MAF: variants seen among roughly 807,000 people sequenced by gnomAD.
The protein encoded by MAF is transcription factor Maf.
Under a neutral mutation model 22.0 loss-of-function variants are expected in MAF, and 10 were observed. The ratio of observed to expected loss-of-function variants is 0.45; its 90% CI spans 0.28 to 0.77. The LOEUF (loss-of-function observed/expected upper bound fraction) is 0.77, where lower values mean the gene tolerates loss of function less well. MAF is among the 30% of genes least tolerant of loss of function. The probability of loss-of-function intolerance (pLI) is 0.12; values close to 1 mark genes in which losing one functional copy is unlikely to be tolerated. For missense variants in MAF, 544 were observed against 548.4 expected (o/e 0.99, Z 0.08); for synonymous variants, 337 against 255.8 (o/e 1.32, Z -3.03).
At chr16:79,585,500 T>C (rs987805835), downstream of MAF, among the ~76,000 whole-genome samples, 3 of 152,172 alleles carry the variant, frequency 2.0e-5, no homozygotes, top group Non-Finnish European at 4.4e-5. Flanking sequence ...TCACCCAAAT[T>C]ATCTGACACT....
the MAF span, among the ~76,000 whole-genome samples, chr16:79,320,293 G>C: frequency 6.6e-6 from 1 of 152,182 alleles, no homozygotes; most frequent in African/African-American, 2.4e-5. Context: ...GAATAAAGGA[G>C]AAAGCTGCTC....
At chr16:79,386,715 C>A in the MAF span, among the ~76,000 whole-genome samples, 17 of 152,176 alleles carry the variant, frequency 1.1e-4, no homozygotes, top group African/African-American at 4.1e-4. Flanking sequence ...AAATGGTGAG[C>A]AGCACAGACT....
chr16:79,350,572 G>T, the MAF span, among the ~76,000 whole-genome samples: 1 of 152,158 alleles, frequency 6.6e-6, no homozygotes, highest in East Asian at 1.9e-4. Context: ...GAAGTGATAT[G>T]CATCCCTCCA....
chr16:79,237,210 C>T, the MAF span, among the ~76,000 whole-genome samples: 3 of 152,046 alleles, frequency 2.0e-5, no homozygotes, highest in African/African-American at 7.2e-5. Context: ...TTATGGCACG[C>T]AGTTGGTGTC....
the MAF span, among the ~76,000 whole-genome samples, chr16:79,436,909 G>C: frequency 6.6e-6 from 1 of 152,116 alleles, no homozygotes; most frequent in Non-Finnish European, 1.5e-5. Flanking sequence ...TGACTGTCTT[G>C]GGCAAAGTCT....
At chr16:79,252,243 A>G in the MAF span, among the ~76,000 whole-genome samples, 721 of 151,530 alleles carry the variant, frequency 4.8e-3, 10 homozygotes, top group Admixed American at 0.024. Context: ...AAGCAGCCAC[A>G]GACAAATGTA....
chr16:79,433,936 C>T, the MAF span, among the ~76,000 whole-genome samples: 1 of 152,118 alleles, frequency 6.6e-6, no homozygotes, highest in African/African-American at 2.4e-5. Flanking sequence ...GGACATAGGC[C>T]ACAGTCCCTA....
At position 79,599,882 on chromosome 16, in the gene MAF, C is replaced by T. The variant is rs201215541; in HGVS notation, c.21G>A (p.Met7Ile). ...GACTGGTGGGCAGGTCGGAGTTGCT[C>T]ATTGCCAGTTCTGATGCCATTCTCC... MASELA[M>I]SNSDLPTSPL... is the part of the protein sequence containing the mutation. The change falls in exon 1 of 2, where the codon ATG (methionine) becomes ATA (isoleucine). Residue 7 changes from methionine (M) to isoleucine (I), a missense_variant. Met to Ile is a conservative substitution (Grantham distance 10). Coordinates refer to ENST00000326043, the MANE Select transcript of MAF (RefSeq NM_005360.5). The T allele has an allele frequency of 1.2e-4, 193 of 1,604,214 alleles. No homozygotes were observed. Among genetic ancestry groups the T allele is most frequent in the Non-Finnish European group, 1.6e-4 (185 of 1,179,632 alleles).
chr16:79,422,948 G>A, the MAF span, among the ~76,000 whole-genome samples: 2 of 152,064 alleles, frequency 1.3e-5, no homozygotes, highest in South Asian at 2.1e-4. Context: ...AAATAAGACA[G>A]GTGGAGTGAC....
the MAF span, among the ~76,000 whole-genome samples, chr16:79,388,117 C>T: frequency 6.6e-6 from 1 of 152,128 alleles, no homozygotes; most frequent in Non-Finnish European, 1.5e-5. Context: ...CTTACTTCTC[C>T]CTTCTCAAAG....
the MAF span, among the ~76,000 whole-genome samples, chr16:79,380,376 G>T: frequency 6.6e-6 from 1 of 152,188 alleles, no homozygotes; most frequent in South Asian, 2.1e-4. Flanking sequence ...AACAATAGTA[G>T]TAGCATGTGC....
the MAF span, among the ~76,000 whole-genome samples, chr16:79,240,025 G>A: frequency 6.6e-6 from 1 of 151,926 alleles, no homozygotes; most frequent in Non-Finnish European, 1.5e-5. Context: ...TTTTAAATGG[G>A]TTATCAAGGT....
chr16:79,478,777 C>T, the MAF span, among the ~76,000 whole-genome samples: 1 of 152,134 alleles, frequency 6.6e-6, no homozygotes, highest in Non-Finnish European at 1.5e-5. Flanking sequence ...ACCACCCCAG[C>T]ATACCCGTAT....
chr16:79,423,937 A>G, the MAF span, among the ~76,000 whole-genome samples: 1 of 152,198 alleles, frequency 6.6e-6, no homozygotes, highest in Non-Finnish European at 1.5e-5. Flanking sequence ...AAGAAAACCA[A>G]TTTGTTTCCA....
At chr16:79,474,177 T>A in the MAF span, among the ~76,000 whole-genome samples, 1 of 152,098 alleles carries the variant, frequency 6.6e-6, no homozygotes, top group Non-Finnish European at 1.5e-5. Flanking sequence ...GGTCTTTAAA[T>A]TAAAGCTCAA....
At chr16:79,258,384 C>T in the MAF span, among the ~76,000 whole-genome samples, 1 of 152,346 alleles carries the variant, frequency 6.6e-6, no homozygotes, top group African/African-American at 2.4e-5. Flanking sequence ...CAGCCCCAGA[C>T]AGGAGTCTCT....
chr16:79,209,819 T>G, the MAF span, among the ~76,000 whole-genome samples: 4 of 152,182 alleles, frequency 2.6e-5, no homozygotes, highest in African/African-American at 9.7e-5. Flanking sequence ...TTGAAGTTGT[T>G]TAGATAAATG....
chr16:79,476,072 T>C, the MAF span, among the ~76,000 whole-genome samples: 1 of 152,304 alleles, frequency 6.6e-6, no homozygotes. Flanking sequence ...TGGAAGAGAA[T>C]TTAAGCTTCC....
the MAF span, among the ~76,000 whole-genome samples, chr16:79,487,426 C>A: frequency 1.5e-4 from 23 of 151,998 alleles, no homozygotes; most frequent in African/African-American, 5.6e-4. Flanking sequence ...GTGGGCCTAT[C>A]ATGCACTTAA....
Sources: allele counts gnomAD v4.1 joint callset (sites outside exome capture counted in the v4.1 genomes callset), GRCh38; gene constraint gnomAD v4.1.1; transcripts MANE v1.5; gene names NCBI Gene and HGNC (gene_info 2026-07-23, HGNC 2026-07-21).